CHL1: variants seen among roughly 807,000 people sequenced by gnomAD.
CHL1 encodes neural cell adhesion molecule L1-like protein.
A neutral mutation model predicts 141.9 loss-of-function variants in CHL1; 96 were observed. That is an observed-to-expected ratio of 0.68 (90% confidence interval 0.57 to 0.80). CHL1 has a LOEUF of 0.80. CHL1 is among the 30% of genes least tolerant of loss of function. CHL1 has a pLI of 0.00. For missense variants in CHL1, 1,820 were observed against 1,457.2 expected, an observed-to-expected ratio of 1.25 and a Z score of -4.05; for synonymous variants, 613 against 502.2, an observed-to-expected ratio of 1.22 and a Z score of -2.95.
intron 2 of CHL1, among the ~76,000 whole-genome samples, chr3:270,411 G>A (rs1361818192): frequency 1.3e-5 from 2 of 152,150 alleles, no homozygotes; most frequent in South Asian, 2.1e-4. Flanking sequence ...CATAGGTAGC[G>A]AGGTTGAAAG....
chr3:305,832 G>A (rs148130394), intron 2 of CHL1, among the ~76,000 whole-genome samples: 39 of 151,774 alleles, frequency 2.6e-4, no homozygotes, highest in African/African-American at 9.2e-4. Flanking sequence ...ATTATTTTCT[G>A]TTACAATAAG....
chr3:319,810 G>GT lies in CHL1; in HGVS notation c.35dup (p.Tyr13IlefsTer14). The GT allele has an allele frequency of 6.2e-7, 1 of 1,608,300 alleles. No homozygotes were observed. The highest frequency in any genetic ancestry group is 8.5e-7 in the Non-Finnish European group (1 of 1,176,358). On this transcript the variant is annotated frameshift_variant, in exon 3 of 28. Coordinates refer to ENST00000256509, the MANE Select transcript of CHL1 (RefSeq NM_006614.4). LOFTEE classifies it high-confidence loss of function. ...GCTTTTACTTGGAAGAGGACTAATC[G>GT]TATATCTAATGTTCCTCCTGTTAAA...
At chr3:235,391 A>G (rs564691518) in intron 1 of CHL1, among the ~76,000 whole-genome samples, 1 of 152,298 alleles carries the variant, frequency 6.6e-6, no homozygotes, top group Admixed American at 6.5e-5. Flanking sequence ...GCAAAACCGT[A>G]TCTACCTCAT....
Position 386,956 on chromosome 3 carries a change from G to A in CHL1, c.2248-2296G>A, listed in dbSNP as rs73105053. Among the ~76,000 whole-genome samples the A allele has an allele frequency of 7.3e-3, 1,105 of 152,126 alleles. 12 individuals are homozygous for A. Among genetic ancestry groups the A allele is most frequent in the African/African-American group, 0.025 (1,048 of 41,488 alleles). On this transcript the variant is annotated intron_variant, in intron 19 of 27. Coordinates refer to ENST00000256509, the MANE Select transcript of CHL1 (RefSeq NM_006614.4). ...CATATATTTTGAGTAGCTCAATTTA[G>A]CCACTCCACAATGTATACATATTTC...
At chr3:404,672 A>G (rs993245046) in intron 27 of CHL1, among the ~76,000 whole-genome samples, 9 of 152,330 alleles carry the variant, frequency 5.9e-5, no homozygotes, top group African/African-American at 2.2e-4. Context: ...CAAAAACAGA[A>G]TGTGATTGAT....
At chr3:298,787 G>A in intron 2 of CHL1, among the ~76,000 whole-genome samples, 1 of 152,220 alleles carries the variant, frequency 6.6e-6, no homozygotes, top group East Asian at 1.9e-4. Flanking sequence ...ATACCTTCTT[G>A]GTGATATGGA....
intron 14 of CHL1, chr3:363,818 A>T (rs965907853): frequency 1.9e-5 from 3 of 156,380 alleles, no homozygotes; most frequent in African/African-American, 7.2e-5. Flanking sequence ...TTTTTGAGTC[A>T]TAAACAGCTT....
intron 27 of CHL1, 31 bp from the exon 28 acceptor site, chr3:405,464 G>C: frequency 7.2e-7 from 1 of 1,385,864 alleles, no homozygotes; most frequent in East Asian, 2.3e-5. Context: ...ATTAGATTTT[G>C]TTGAGCTATT....
chr3:283,294 G>T (rs542417564), intron 2 of CHL1, among the ~76,000 whole-genome samples: 1 of 152,114 alleles, frequency 6.6e-6, no homozygotes, highest in Non-Finnish European at 1.5e-5. Flanking sequence ...TATCTTTTTT[G>T]TGATCCAACA....
At position 234,993 on chromosome 3, in the gene CHL1, C is replaced by CTAT. The variant is rs67249915; in HGVS notation, c.-174-9603_-174-9601dup. Among the ~76,000 whole-genome samples, 538 of 148,360 alleles carry CTAT rather than the reference C, an allele frequency of 3.6e-3. 2 individuals carry two copies. The highest frequency in any genetic ancestry group is 7.7e-3 in the African/African-American group (316 of 40,882). On this transcript the variant is annotated intron_variant, in intron 1 of 27. Coordinates refer to ENST00000256509, the MANE Select transcript of CHL1 (RefSeq NM_006614.4). Reference sequence around the variant, plus strand: ...ATGATTTATAATTCTTTTTTTATTACTATTATTATTATTATTATTTGTAAT... The same window carrying CTAT: ...ATGATTTATAATTCTTTTTTTATTACTATTATTATTATTATTATTATTTGTAAT...
intron 4 of CHL1, among the ~76,000 whole-genome samples, chr3:326,707 G>C (rs755234368): frequency 3.3e-5 from 5 of 151,792 alleles, no homozygotes; most frequent in Non-Finnish European, 7.4e-5. Flanking sequence ...GAAGGGAGAG[G>C]CTGTGGGAAG....
intron 1 of CHL1, among the ~76,000 whole-genome samples, chr3:226,655 C>T (rs1360014982): frequency 2.0e-5 from 3 of 151,944 alleles, no homozygotes; most frequent in East Asian, 3.9e-4. Flanking sequence ...CCATGTTGGC[C>T]AGACTGTTCT....
At chr3:297,068 A>C (rs551912069) in intron 2 of CHL1, among the ~76,000 whole-genome samples, 2 of 152,126 alleles carry the variant, frequency 1.3e-5, no homozygotes, top group Admixed American at 1.3e-4. Flanking sequence ...GAGATAATAC[A>C]AGGGAGAGAT....
chr3:385,305 G>T (rs957296200), intron 19 of CHL1, among the ~76,000 whole-genome samples: 1 of 152,106 alleles, frequency 6.6e-6, no homozygotes, highest in African/African-American at 2.4e-5. Context: ...ACTCCTTTGG[G>T]AGGGCTGTGG....
At chr3:305,912 T>C (rs1002729274) in intron 2 of CHL1, among the ~76,000 whole-genome samples, 1 of 152,056 alleles carries the variant, frequency 6.6e-6, no homozygotes, top group African/African-American at 2.4e-5. Context: ...AAAACAGTAG[T>C]TCTTAGAAAT....
intron 2 of CHL1, among the ~76,000 whole-genome samples, chr3:263,327 C>T (rs575788084): frequency 5.3e-5 from 8 of 150,814 alleles, no homozygotes; most frequent in African/African-American, 1.7e-4. Context: ...GTAGTTAATC[C>T]GGAAAAAGAA....
chr3:340,317 G>T (rs1013702084), intron 5 of CHL1, among the ~76,000 whole-genome samples: 1 of 152,080 alleles, frequency 6.6e-6, no homozygotes, highest in African/African-American at 2.4e-5. Flanking sequence ...CTCCATATGG[G>T]CTGGGAAGTT....
chr3:332,864 A>T (rs1192947597), intron 5 of CHL1, among the ~76,000 whole-genome samples: 1 of 152,142 alleles, frequency 6.6e-6, no homozygotes, highest in African/African-American at 2.4e-5. Context: ...CATGAGGATG[A>T]TTCCTAACCT....
chr3:222,361 G>T (rs1263563949), intron 1 of CHL1, among the ~76,000 whole-genome samples: 1 of 152,056 alleles, frequency 6.6e-6, no homozygotes. Flanking sequence ...CCCTTGGATG[G>T]TTTGCTGAAA....
Sources: gnomAD v4.1 joint callset for allele counts (sites outside exome capture counted in the v4.1 genomes callset) on GRCh38, gnomAD v4.1.1 for gene constraint, MANE v1.5 for transcripts, NCBI Gene and HGNC (gene_info 2026-07-23, HGNC 2026-07-21) for gene names.